CDC42EP3: variants seen among roughly 807,000 people sequenced by gnomAD.
CDC42EP3 encodes the protein CDC42 effector protein (Rho GTPase binding) 3.
CDC42EP3 carries 4 observed loss-of-function variants against 15.5 expected under a neutral mutation model. That is an observed-to-expected ratio of 0.26 (90% CI 0.13 to 0.59). CDC42EP3 has a LOEUF of 0.59. Ranked by LOEUF, CDC42EP3 falls within the 20% of genes least tolerant of loss-of-function variation. The pLI, the probability that CDC42EP3 is intolerant of heterozygous loss-of-function variation, is 0.89. For missense variants in CDC42EP3, 309 were observed against 311.2 expected, an observed-to-expected ratio of 0.99 and a Z score of 0.05; for synonymous variants, 145 against 130.3, an observed-to-expected ratio of 1.11 and a Z score of -0.77.
chr2:37,667,815 G>A (rs1373616908), intron 1 of CDC42EP3, among the ~76,000 whole-genome samples: 1 of 152,210 alleles, frequency 6.6e-6, no homozygotes, highest in African/African-American at 2.4e-5. Context: ...ATTGGTGGGG[G>A]TGTGGTATTT....
intron 1 of CDC42EP3, among the ~76,000 whole-genome samples, chr2:37,662,332 G>C (rs948058930): frequency 6.6e-6 from 1 of 152,130 alleles, no homozygotes; most frequent in African/African-American, 2.4e-5. Context: ...GGCAGGCAAT[G>C]AGCCCATATC....
intron 1 of CDC42EP3, 57 bp downstream of exon 1, chr2:37,671,369 G>C (rs560723976): frequency 6.6e-6 from 1 of 152,492 alleles, no homozygotes; most frequent in South Asian, 2.1e-4. Flanking sequence ...ACGGCCGCGG[G>C]CGGGACAGAC....
Position 37,645,798 on chromosome 2 carries a change from C to T in CDC42EP3, c.*25G>A, listed in dbSNP as rs1163295912. ...TTAGTTTGTTTTTGTACCTTTTACCCCAAAGGAAAAAAGTTGGCATCTTGT... is the reference window on the plus strand; with the variant it reads ...TTAGTTTGTTTTTGTACCTTTTACCTCAAAGGAAAAAAGTTGGCATCTTGT... On this transcript the variant is annotated 3_prime_UTR_variant, in exon 2 of 2. Transcript: ENST00000295324. 2.7e-6 allele frequency: 4 copies of T among 1,508,408 alleles called. No homozygotes were observed. The highest frequency in any genetic ancestry group is 4.6e-5 in the East Asian group (2 of 43,790). 93.4% of individuals were successfully genotyped at this position (1,508,408 alleles called of 1,614,324 possible). A position where few individuals can be genotyped will look rare whatever the true frequency, so the allele number is the denominator to read the frequency against.
At chr2:37,649,748 C>G (rs900422645) in intron 1 of CDC42EP3, among the ~76,000 whole-genome samples, 14 of 152,066 alleles carry the variant, frequency 9.2e-5, no homozygotes, top group African/African-American at 3.4e-4. Flanking sequence ...GGGCCTCCAA[C>G]CAGAGGCTCA....
chr2:37,654,076 TC>T lies in CDC42EP3; in HGVS notation c.-235-7255del, dbSNP rs1665773472. On this transcript the variant is annotated intron_variant, in intron 1 of 1. Coordinates refer to ENST00000295324, the MANE Select transcript of CDC42EP3 (RefSeq NM_006449.5). ...CCATGCCAGAGTATCCAGCGACTCC[TC>T]CTGCATGTTGGAACCAACAGTCCTA... Among the ~76,000 whole-genome samples, 3 of 152,298 alleles carry T rather than the reference TC, an allele frequency of 2.0e-5. No homozygotes were observed. In the South Asian group the frequency reaches 6.2e-4, roughly 32 times the overall value.
At position 37,663,133 on chromosome 2, in the gene CDC42EP3, C is replaced by G. The variant is rs116651983; in HGVS notation, c.-236+8293G>C. 4.1e-3 allele frequency among the ~76,000 whole-genome samples: 622 copies of G among 152,304 alleles called. 5 individuals are homozygous for G. The highest frequency in any genetic ancestry group is 0.014 in the African/African-American group (583 of 41,546). ...TAAGCCAAGACTGTGCCACTGCACT[C>G]TGGCCTGGGCAACTGAGTGAGTGAA... On this transcript the variant is annotated intron_variant, in intron 1 of 1. Coordinates refer to ENST00000295324, the MANE Select transcript of CDC42EP3 (RefSeq NM_006449.5).
upstream of CDC42EP3, chr2:37,672,599 A>G (rs1335530239): frequency 2.6e-5 from 4 of 152,240 alleles, no homozygotes; most frequent in Admixed American, 6.5e-5. Context: ...AATGAATGCT[A>G]ATTTTCTTAA....
intron 1 of CDC42EP3, among the ~76,000 whole-genome samples, chr2:37,650,101 C>T (rs1362405368): frequency 2.6e-5 from 4 of 152,110 alleles, no homozygotes; most frequent in African/African-American, 9.7e-5. Context: ...GGTAAGTTGA[C>T]GTTTGTGCTG....
chr2:37,649,840 A>G (rs916247527), intron 1 of CDC42EP3, among the ~76,000 whole-genome samples: 16 of 152,030 alleles, frequency 1.1e-4, no homozygotes, highest in African/African-American at 3.9e-4. Flanking sequence ...AAGGCAAGAA[A>G]AGGGTTGGTG....
chr2:37,663,498 G>C (rs1666145324), intron 1 of CDC42EP3, among the ~76,000 whole-genome samples: 1 of 152,194 alleles, frequency 6.6e-6, no homozygotes, highest in Admixed American at 6.5e-5. Flanking sequence ...CACTCCCAGG[G>C]CACGAGAAAG....
intron 1 of CDC42EP3, among the ~76,000 whole-genome samples, chr2:37,670,625 G>A (rs1486410052): frequency 6.6e-6 from 1 of 152,010 alleles, no homozygotes; most frequent in African/African-American, 2.4e-5. Context: ...CCACAGCCTG[G>A]CTCTCAGTAA....
rs1665438135 is a variant in CDC42EP3, at chr2:37,645,937, C to G, written c.651G>C (p.Lys217Asn). Reference protein sequence around the residue: ...HPTPCELIKGKTKSEESLSDL... With the variant: ...HPTPCELIKGNTKSEESLSDL... ...CAGAGAGGGACTCCTCTGACTTAGTCTTTCCCTTGATGAGCTCGCATGGGG... is the reference window on the plus strand; with the variant it reads ...CAGAGAGGGACTCCTCTGACTTAGTGTTTCCCTTGATGAGCTCGCATGGGG... The change falls in exon 2 of 2, where the codon AAG (lysine) becomes AAC (asparagine). Residue 217 changes from lysine (K) to asparagine (N), a missense_variant. By Grantham distance (94) the Lys-to-Asn change is moderately conservative (BLOSUM62 0). Transcript: ENST00000295324. 2 of 1,613,922 alleles carry G rather than the reference C, an allele frequency of 1.2e-6. No homozygotes were observed. The highest frequency in any genetic ancestry group is 8.5e-7 in the Non-Finnish European group (1 of 1,179,876).
chr2:37,656,743 T>C (rs1665859712), intron 1 of CDC42EP3, among the ~76,000 whole-genome samples: 1 of 152,154 alleles, frequency 6.6e-6, no homozygotes, highest in African/African-American at 2.4e-5. Context: ...ACTATGTATC[T>C]TGAAGTCTGA....
Position 37,643,143 on chromosome 2 carries a change from A to C in CDC42EP3, c.*2680T>G, listed in dbSNP as rs552937701. ...TGCTTTGAGTTTGCAAATAAAGTAC[A>C]TCTTGGGTTTCCTTATCTTTAAACA... On this transcript the variant is annotated 3_prime_UTR_variant, in exon 2 of 2. Transcript: ENST00000295324. 6 of 152,310 alleles carry C rather than the reference A, an allele frequency of 3.9e-5. No individual in the cohort carries two copies. Among genetic ancestry groups the C allele is most frequent in the African/African-American group, 1.4e-4 (6 of 41,566 alleles). The allele number at this position is 152,310 out of a possible 1,614,324, so 9.4% of individuals were successfully genotyped here. A position where few individuals can be genotyped will look rare whatever the true frequency, so the allele number is the denominator to read the frequency against.
chr2:37,646,836 C>G lies in CDC42EP3; in HGVS notation c.-235-14G>C, dbSNP rs1665498760. ...ACCAGGACAAACCTGCAGAAGAAAC[C>G]AAAGCAGGTTATAAGCTAAAGACCC... On this transcript the variant is annotated splice_polypyrimidine_tract_variant and intron_variant, in intron 1 of 1. Transcript: ENST00000295324. 2.7e-6 allele frequency: 1 copy of G among 369,516 alleles called. No individual in the cohort carries two copies. The highest frequency in any genetic ancestry group is 2.1e-5 in the African/African-American group (1 of 47,444). The allele number at this position is 369,516 out of a possible 1,614,324, so 22.9% of individuals were successfully genotyped here. A position where few individuals can be genotyped will look rare whatever the true frequency, so the allele number is the denominator to read the frequency against.
At chr2:37,650,032 A>C (rs562876439) in intron 1 of CDC42EP3, among the ~76,000 whole-genome samples, 12 of 145,698 alleles carry the variant, frequency 8.2e-5, no homozygotes, top group African/African-American at 3.2e-4. Flanking sequence ...CAATCCTAAC[A>C]GCTCCCAAAT....
chr2:37,652,535 A>T (rs1665723684), intron 1 of CDC42EP3, among the ~76,000 whole-genome samples: 1 of 152,130 alleles, frequency 6.6e-6, no homozygotes, highest in Non-Finnish European at 1.5e-5. Context: ...TGCTGAGCAC[A>T]TTCACTCGTG....
At chr2:37,656,908 T>C (rs1398062428) in intron 1 of CDC42EP3, among the ~76,000 whole-genome samples, 1 of 150,386 alleles carries the variant, frequency 6.6e-6, no homozygotes, top group Non-Finnish European at 1.5e-5. Flanking sequence ...TTTTTGCTAT[T>C]GTCAACAAGA....
intron 1 of CDC42EP3, among the ~76,000 whole-genome samples, chr2:37,659,433 T>C (rs1665985188): frequency 6.6e-6 from 1 of 152,220 alleles, no homozygotes; most frequent in Non-Finnish European, 1.5e-5. Context: ...AGTGTATCAA[T>C]GCAAGCCAGA....
Sources: allele counts gnomAD v4.1 joint callset (sites outside exome capture counted in the v4.1 genomes callset), GRCh38; gene constraint gnomAD v4.1.1; transcripts MANE v1.5; gene names NCBI Gene and HGNC (gene_info 2026-07-23, HGNC 2026-07-21).